ATP7B: variants seen among roughly 807,000 people sequenced by gnomAD.
ATP7B encodes the protein ATPase copper transporting beta.
ATP7B carries 113 observed loss-of-function variants against 118.9 expected under a neutral mutation model. The observed-to-expected ratio is 0.95, with a 90% confidence interval of 0.82 to 1.11. The LOEUF (loss-of-function observed/expected upper bound fraction) is 1.11, where lower values mean the gene tolerates loss of function less well. Ranked by LOEUF, ATP7B falls within the 50% of genes most tolerant of loss-of-function variation. The probability of loss-of-function intolerance (pLI) is 0.00; values close to 1 mark genes in which losing one functional copy is unlikely to be tolerated. For synonymous variants in ATP7B, 777 were observed against 727.4 expected (o/e 1.07, Z -1.10); for missense variants, 1,867 against 1,871.4 (o/e 1.00, Z 0.04).
chr13:51,971,289 T>C (rs1387154489), intron 2 of ATP7B, among the ~76,000 whole-genome samples: 7 of 152,268 alleles, frequency 4.6e-5, no homozygotes, highest in African/African-American at 1.7e-4. Flanking sequence ...ACATATGTCA[T>C]GAATATTGAG....
rs143213823 is a variant in ATP7B at position 51,939,024 on chromosome 13, A to G, written c.3699+27T>C. 2.4e-5 allele frequency: 38 copies of G among 1,614,222 alleles called. No homozygotes were observed. The highest frequency in any genetic ancestry group is 3.0e-5 in the Non-Finnish European group (35 of 1,180,034). ...CTCTAACTGCTTTTATGAGCTTTAC[A>G]CAGTTTGCAACATTAAAGGGCTGTA... On this transcript the variant is annotated intron_variant, in intron 17 of 20. Coordinates refer to ENST00000242839, the MANE Select transcript of ATP7B (RefSeq NM_000053.4).
intron 1 of ATP7B, among the ~76,000 whole-genome samples, chr13:51,977,687 G>T (rs1029332234): frequency 1.3e-5 from 2 of 152,194 alleles, no homozygotes; most frequent in Non-Finnish European, 2.9e-5. Context: ...ATTATGTACT[G>T]TACAGAATTG....
intron 14 of ATP7B, 131 bp from the exon 15 acceptor site, chr13:51,942,685 G>A (rs1957410050): frequency 9.5e-7 from 1 of 1,051,862 alleles, no homozygotes; most frequent in Non-Finnish European, 1.4e-6. Context: ...CTGAGAGAAA[G>A]GAGGGGAGGG....
At position 51,975,310 on chromosome 13, in the gene ATP7B, G is replaced by A. The variant is rs766105022; in HGVS notation, c.52-142C>T. 4.4e-6 allele frequency: 5 copies of A among 1,141,974 alleles called. No homozygotes were observed. In the African/African-American group the frequency reaches 7.6e-5, roughly 17 times the overall value. The allele number at this position is 1,141,974 out of a possible 1,614,324, so 70.7% of individuals were successfully genotyped here. On this transcript the variant is annotated intron_variant, in intron 1 of 20. Transcript: ENST00000242839. ...AGGGTAGAAGAACATAACATACACA[G>A]AAAGCAAGCTAAAGGCAGCATCTAC...
intron 1 of ATP7B, among the ~76,000 whole-genome samples, chr13:52,009,044 TTTC>T (rs992306110): frequency 1.3e-5 from 2 of 152,044 alleles, no homozygotes; most frequent in African/African-American, 4.8e-5. Context: ...CCAGCTAATT[TTTC>T]TTTTTTTTTT....
intron 1 of ATP7B, among the ~76,000 whole-genome samples, chr13:51,986,667 T>C (rs1294631957): frequency 1.3e-5 from 2 of 152,238 alleles, no homozygotes; most frequent in East Asian, 3.9e-4. Context: ...AAATTCTCAA[T>C]AAAATACTGG....
intron 2 of ATP7B, among the ~76,000 whole-genome samples, chr13:51,971,114 C>T (rs895140204): frequency 3.3e-5 from 5 of 152,180 alleles, no homozygotes; most frequent in African/African-American, 7.2e-5. Flanking sequence ...AAACAAATCA[C>T]GCTGGCCGCA....
At chr13:51,989,104 G>A (rs562358743) in intron 1 of ATP7B, among the ~76,000 whole-genome samples, 2 of 152,168 alleles carry the variant, frequency 1.3e-5, no homozygotes, top group Admixed American at 1.3e-4. Flanking sequence ...AAATGACTAT[G>A]AAGACAAACA....
chr13:51,958,231 A>G (rs576621049), intron 8 of ATP7B, 80 bp downstream of exon 8: 8 of 1,467,364 alleles, frequency 5.5e-6, no homozygotes, highest in Non-Finnish European at 7.6e-6. Flanking sequence ...ATAATTAGTA[A>G]TTCTAAACAT....
At position 51,942,466 on chromosome 13, in the gene ATP7B, C is replaced by T. The variant is rs182659444; in HGVS notation, c.3332G>A (p.Gly1111Asp). Residue 1111 changes from glycine to aspartate, a missense_variant, in exon 15 of 21, where the codon GGC becomes GAC. By Grantham distance (94) the Gly-to-Asp change is moderately conservative. Transcript: ENST00000242839. The part of the protein sequence containing the change: ...GIGCKVSNVE[G>D]ILAHSERPLS... ...AGGGCGCTCACTGTGGGCCAGGATG[C>T]CTTCCACGTTGCTGACTTTGCACCC... The T allele has an allele frequency of 9.4e-5, 151 of 1,614,224 alleles. No individual in the cohort carries two copies. In the Middle Eastern group the frequency reaches 9.9e-4, roughly 11 times the overall value.
chr13:51,980,783 CCTG>C (rs1193599874), intron 1 of ATP7B, among the ~76,000 whole-genome samples: 2 of 152,172 alleles, frequency 1.3e-5, no homozygotes, highest in Non-Finnish European at 2.9e-5. Context: ...CAGTCAGTCC[CCTG>C]CTGCCTATCC....
chr13:51,949,578 G>A (rs549902594), intron 12 of ATP7B, 84 bp downstream of exon 12: 4 of 1,559,322 alleles, frequency 2.6e-6, no homozygotes, highest in Non-Finnish European at 3.5e-6. Flanking sequence ...AAAGCCCAGT[G>A]AATCTAAGAT....
At chr13:51,966,700 G>A (rs562596418) in intron 4 of ATP7B, 15 of 1,512,740 alleles carry the variant, frequency 9.9e-6, no homozygotes, top group East Asian at 4.9e-5. Flanking sequence ...CTGCCATGCC[G>A]ACGTAGACCC....
At chr13:51,983,451 G>C (rs1189403309) in intron 1 of ATP7B, among the ~76,000 whole-genome samples, 2 of 152,200 alleles carry the variant, frequency 1.3e-5, no homozygotes, top group Non-Finnish European at 2.9e-5. Context: ...CCCTGGGACA[G>C]ATCACCTGGG....
At position 51,933,417 on chromosome 13, in the gene ATP7B, G is replaced by A. The variant is rs1299255637; in HGVS notation, c.*1339C>T. ...CTAAAACTGCCCCTGGCAAGTAATGGACAATGAAAAAAATCACTAAAACTA... is the reference window on the plus strand; with the variant it reads ...CTAAAACTGCCCCTGGCAAGTAATGAACAATGAAAAAAATCACTAAAACTA... On this transcript the variant is annotated 3_prime_UTR_variant, in exon 21 of 21. Coordinates refer to ENST00000242839, the MANE Select transcript of ATP7B (RefSeq NM_000053.4). 2 of 152,156 alleles carry A rather than the reference G, an allele frequency of 1.3e-5. No individual in the cohort carries two copies. Among genetic ancestry groups the A allele is most frequent in the Non-Finnish European group, 2.9e-5 (2 of 68,024 alleles). The allele number at this position is 152,156 out of a possible 1,614,324, so 9.4% of individuals were successfully genotyped here. A position where few individuals can be genotyped will look rare whatever the true frequency, so the allele number is the denominator to read the frequency against.
At chr13:51,944,669 G>A (rs994015398) in intron 13 of ATP7B, among the ~76,000 whole-genome samples, 1 of 152,146 alleles carries the variant, frequency 6.6e-6, no homozygotes, top group East Asian at 1.9e-4. Context: ...ACTGCCATCC[G>A]CCGAGCCCAA....
chr13:51,997,881 G>C (rs1953289371), intron 1 of ATP7B, among the ~76,000 whole-genome samples: 1 of 152,180 alleles, frequency 6.6e-6, no homozygotes, highest in South Asian at 2.1e-4. Flanking sequence ...AGATGAGCGG[G>C]GAGGGTGGGA....
At chr13:52,012,086 CG>C, upstream of ATP7B, 3 of 506,842 alleles carry the variant, frequency 5.9e-6, no homozygotes, top group South Asian at 6.4e-5. Flanking sequence ...GGCTTTGGGC[CG>C]GGAACGGGGG....
rs761435604 is a variant in ATP7B at position 51,941,230 on chromosome 13, C to A, written c.3413-6G>T. 1 of 1,613,964 alleles carries A rather than the reference C, an allele frequency of 6.2e-7. No individual in the cohort carries two copies. The highest frequency in any genetic ancestry group is 1.7e-5 in the Admixed American group (1 of 59,994). ...GAAGGTCTGGGGGACTGCATCTATT[C>A]AAAAGAGGCTGTGGTTATTTCTAAA... On this transcript the variant is annotated splice_polypyrimidine_tract_variant and splice_region_variant and intron_variant, in intron 15 of 20. Coordinates refer to ENST00000242839, the MANE Select transcript of ATP7B (RefSeq NM_000053.4).
Sources: allele counts gnomAD v4.1 joint callset (sites outside exome capture counted in the v4.1 genomes callset), GRCh38; gene constraint gnomAD v4.1.1; transcripts MANE v1.5; gene names NCBI Gene and HGNC (gene_info 2026-07-23, HGNC 2026-07-21).